TAFA5: variants seen among roughly 807,000 people sequenced by gnomAD.
The protein encoded by TAFA5 is chemokine-like protein TAFA-5.
Under a neutral mutation model 15.3 loss-of-function variants are expected in TAFA5, and 6 were observed. The ratio of observed to expected loss-of-function variants is 0.39; its 90% confidence interval spans 0.21 to 0.77. TAFA5 has a LOEUF of 0.77. Among genes scored for constraint, TAFA5 ranks in the 30% least tolerant of loss-of-function variants. TAFA5 has a pLI of 0.41. For missense variants in TAFA5, 161 were observed against 193.1 expected, an observed-to-expected ratio of 0.83 and a Z score of 0.98; for synonymous variants, 103 against 80.7, an observed-to-expected ratio of 1.28 and a Z score of -1.48.
Position 48,577,020 on chromosome 22 carries a change from C to T in TAFA5, c.113-69577C>T, listed in dbSNP as rs926864645. 2.6e-5 allele frequency among the ~76,000 whole-genome samples: 4 copies of T among 152,172 alleles called. No homozygotes were observed. In the East Asian group the frequency reaches 7.7e-4, roughly 29 times the overall value. ...GCCAGGGTGGGCGCCGGGCTGGGAC[C>T]CGCGGACGTCGGGAAACCGGCCTGC... On this transcript the variant is annotated intron_variant, in intron 1 of 3. Coordinates refer to ENST00000402357, the MANE Select transcript of TAFA5 (RefSeq NM_001082967.3).
chr22:48,525,550 G>A (rs985458488), intron 1 of TAFA5, among the ~76,000 whole-genome samples: 2 of 152,148 alleles, frequency 1.3e-5, no homozygotes, highest in African/African-American at 4.8e-5. Flanking sequence ...CTTCCCACTC[G>A]GTGGCCCAGG....
chr22:48,690,670 T>C (rs1928511788), intron 2 of TAFA5, among the ~76,000 whole-genome samples: 1 of 152,204 alleles, frequency 6.6e-6, no homozygotes. Context: ...GTGGACTCCC[T>C]CTCTGTAGTG....
At chr22:48,597,045 G>A (rs1601604251) in intron 1 of TAFA5, among the ~76,000 whole-genome samples, 2 of 152,198 alleles carry the variant, frequency 1.3e-5, no homozygotes, top group African/African-American at 2.4e-5. Flanking sequence ...AGGCTCTGGC[G>A]ATCCTCCCGT....
At chr22:48,695,242 A>G (rs965889699) in intron 2 of TAFA5, among the ~76,000 whole-genome samples, 20 of 151,940 alleles carry the variant, frequency 1.3e-4, no homozygotes, top group Non-Finnish European at 2.8e-4. Context: ...TGTTGATTGA[A>G]TCCTCCATCA....
At position 48,646,610 on chromosome 22, in the gene TAFA5, C is replaced by G. The variant is rs762174018; in HGVS notation, c.126C>G (p.Ala42=). 10 of 1,612,350 alleles carry G rather than the reference C, an allele frequency of 6.2e-6. No homozygotes were observed. The highest frequency in any genetic ancestry group is 8.5e-6 in the Non-Finnish European group (10 of 1,179,704). ...TCCTCTCTGCAGGTCAGCTGGCCGC[C>G]GGCACCTGTGAGATTGTGACCTTGG... ...LLIAYCSQLA[A]GTCEIVTLDR... Residue 42 remains alanine, a synonymous_variant, in exon 2 of 4, where the codon GCC becomes GCG. Coordinates refer to ENST00000402357, the MANE Select transcript of TAFA5 (RefSeq NM_001082967.3).
At chr22:48,723,642 C>G (rs1324666135) in intron 3 of TAFA5, among the ~76,000 whole-genome samples, 1 of 152,206 alleles carries the variant, frequency 6.6e-6, no homozygotes, top group African/African-American at 2.4e-5. Flanking sequence ...AGAGTGACTG[C>G]TCTTCTGCGT....
chr22:48,542,423 G>A (rs1470918434), intron 1 of TAFA5, among the ~76,000 whole-genome samples: 1 of 133,638 alleles, frequency 7.5e-6, no homozygotes, highest in Non-Finnish European at 1.6e-5. Flanking sequence ...TGTGTGGTGT[G>A]TATGTGTGTG....
At chr22:48,517,680 C>A (rs1269576905) in intron 1 of TAFA5, among the ~76,000 whole-genome samples, 3 of 152,164 alleles carry the variant, frequency 2.0e-5, no homozygotes, top group African/African-American at 7.2e-5. Context: ...CAGCCCCTTG[C>A]ATGGGGCACG....
intron 1 of TAFA5, among the ~76,000 whole-genome samples, chr22:48,594,429 A>G (rs1164075309): frequency 1.3e-5 from 2 of 152,230 alleles, no homozygotes; most frequent in African/African-American, 4.8e-5. Context: ...ACGAGTGTGC[A>G]CAGGCAGCCT....
chr22:48,673,173 C>G (rs1742427010), intron 2 of TAFA5, among the ~76,000 whole-genome samples: 1 of 152,244 alleles, frequency 6.6e-6, no homozygotes, highest in South Asian at 2.1e-4. Context: ...TCACCGTCAT[C>G]TTCTCCTCCA....
rs1163909458 is a variant in TAFA5 at position 48,542,652 on chromosome 22, T to TGTGTGTGTGTG, written c.112+52957_112+52958insTGGTGTGTGTG. The stretch of plus-strand genomic sequence containing the variant: ...GTGGGTGTGTGATGTGTGTGTGTGG[T>TGTGTGTGTGTG]GTGTGTGTGGTGTGTGTGTGATGTT... On this transcript the variant is annotated intron_variant, in intron 1 of 3. Transcript: ENST00000402357. Among the ~76,000 whole-genome samples the TGTGTGTGTGTG allele has an allele frequency of 1.1e-4, 14 of 125,910 alleles. 1 individual carries two copies. Among genetic ancestry groups the TGTGTGTGTGTG allele is most frequent in the Non-Finnish European group, 1.7e-4 (10 of 59,640 alleles). 82.6% of individuals were successfully genotyped at this position (125,910 alleles called of 152,430 possible). A position where few individuals can be genotyped will look rare whatever the true frequency, so the allele number is the denominator to read the frequency against.
chr22:48,613,551 C>T (rs1382338406), intron 1 of TAFA5, among the ~76,000 whole-genome samples: 1 of 152,198 alleles, frequency 6.6e-6, no homozygotes, highest in African/African-American at 2.4e-5. Context: ...GACTCCTGGC[C>T]CTGTGGTTCG....
intron 1 of TAFA5, among the ~76,000 whole-genome samples, chr22:48,582,585 C>G (rs554978021): frequency 7.4e-4 from 111 of 150,594 alleles, no homozygotes; most frequent in Middle Eastern, 3.5e-3. Context: ...ACGCCACATA[C>G]CACACACAAA....
At chr22:48,679,312 C>G (rs375879090) in intron 2 of TAFA5, among the ~76,000 whole-genome samples, 1 of 57,800 alleles carries the variant, frequency 1.7e-5, no homozygotes, top group Admixed American at 1.6e-4. Context: ...TCCGGGCTCC[C>G]CGTCCATCCC....
intron 1 of TAFA5, among the ~76,000 whole-genome samples, chr22:48,586,202 A>G (rs951048046): frequency 6.6e-6 from 1 of 152,254 alleles, no homozygotes; most frequent in African/African-American, 2.4e-5. Context: ...CCCAGAGGAT[A>G]GCAGGACAGG....
chr22:48,575,996 G>A (rs1223393718), intron 1 of TAFA5, among the ~76,000 whole-genome samples: 2 of 143,910 alleles, frequency 1.4e-5, no homozygotes, highest in African/African-American at 5.0e-5. Flanking sequence ...AGCAGCGGGC[G>A]GTGGGGGCCG....
chr22:48,533,936 G>A (rs1335912436), intron 1 of TAFA5, among the ~76,000 whole-genome samples: 2 of 152,184 alleles, frequency 1.3e-5, no homozygotes, highest in South Asian at 4.1e-4. Context: ...CATGGGCCAT[G>A]GTTTGTGGGG....
At chr22:48,551,001 A>G (rs1474097671) in intron 1 of TAFA5, among the ~76,000 whole-genome samples, 2 of 151,536 alleles carry the variant, frequency 1.3e-5, no homozygotes, top group South Asian at 2.1e-4. Context: ...ACATCATAAG[A>G]TGGGCTGCTG....
intron 1 of TAFA5, chr22:48,539,024 C>A: frequency 1.0e-5 from 2 of 200,958 alleles, no homozygotes; most frequent in Non-Finnish European, 1.0e-5. Context: ...TTTTGTAAAC[C>A]AATGGGATGT....
Sources: allele counts gnomAD v4.1 joint callset (sites outside exome capture counted in the v4.1 genomes callset), GRCh38; gene constraint gnomAD v4.1.1; transcripts MANE v1.5; gene names NCBI Gene and HGNC (gene_info 2026-07-23, HGNC 2026-07-21).